CSMD1: variants seen among roughly 807,000 people sequenced by gnomAD.
CSMD1 encodes CUB and sushi domain-containing protein 1.
CSMD1 carries 213 observed loss-of-function variants against 417.5 expected under a neutral mutation model. The observed-to-expected ratio is 0.51, with a 90% confidence interval of 0.46 to 0.57. The LOEUF (loss-of-function observed/expected upper bound fraction) is 0.57. Ranked by LOEUF, CSMD1 falls within the 20% of genes least tolerant of loss-of-function variation. The pLI is 0.00. For missense variants in CSMD1, 6,923 were observed against 4,529.7 expected (o/e 1.53, Z -15.17); for synonymous variants, 2,862 against 1,736.8 (o/e 1.65, Z -16.11).
intron 1 of CSMD1, among the ~76,000 whole-genome samples, chr8:4,900,205 C>T (rs996490894): frequency 6.6e-6 from 1 of 152,228 alleles, no homozygotes; most frequent in Non-Finnish European, 1.5e-5. Context: ...TATGAAGACA[C>T]GGGTTGGGTG....
chr8:4,023,872 C>T (rs1365828528), intron 4 of CSMD1, among the ~76,000 whole-genome samples: 1 of 149,720 alleles, frequency 6.7e-6, no homozygotes, highest in Non-Finnish European at 1.5e-5. Flanking sequence ...CCGCCTTGGC[C>T]TCCCAAAGTG....
At chr8:3,036,965 C>G (rs1810721284) in intron 50 of CSMD1, among the ~76,000 whole-genome samples, 1 of 152,164 alleles carries the variant, frequency 6.6e-6, no homozygotes, top group Non-Finnish European at 1.5e-5. Context: ...TTATCCCTCA[C>G]CCATCTTCCT....
chr8:4,845,295 C>T (rs1335463296), intron 1 of CSMD1, among the ~76,000 whole-genome samples: 2 of 152,168 alleles, frequency 1.3e-5, no homozygotes, highest in Non-Finnish European at 2.9e-5. Flanking sequence ...AGAAAACGAA[C>T]ACTGTTAATG....
At position 4,196,604 on chromosome 8, in the gene CSMD1, T is replaced by C. The variant is rs75245595; in HGVS notation, c.416-164505A>G. On this transcript the variant is annotated intron_variant, in intron 3 of 69. Coordinates refer to ENST00000635120, the MANE Select transcript of CSMD1 (RefSeq NM_033225.6). ...CATTCTCTGGGGTCATAGCCTTCTT[T>C]GTGAATCTTCAAGGCCAGCAATGCT... Among the ~76,000 whole-genome samples, 625 of 152,324 alleles carry C rather than the reference T, an allele frequency of 4.1e-3. 2 individuals are homozygous for C. Among genetic ancestry groups the C allele is most frequent in the African/African-American group, 0.015 (603 of 41,570 alleles).
chr8:4,924,798 T>C (rs1806743998), intron 1 of CSMD1, among the ~76,000 whole-genome samples: 2 of 150,870 alleles, frequency 1.3e-5, no homozygotes, highest in African/African-American at 4.9e-5. Context: ...TTTTGACATA[T>C]GTATCATATT....
chr8:3,284,419 C>G, intron 25 of CSMD1, 73 bp from the exon 26 acceptor site: 14 of 1,180,638 alleles, frequency 1.2e-5, no homozygotes, highest in Non-Finnish European at 1.7e-5. Context: ...GTAAAGTAAG[C>G]AAGCTCATTT....
At chr8:4,237,018 T>C (rs780993308) in intron 3 of CSMD1, among the ~76,000 whole-genome samples, 4 of 152,202 alleles carry the variant, frequency 2.6e-5, no homozygotes, top group Admixed American at 1.3e-4. Flanking sequence ...TCGCGCTCCA[T>C]TGCTTCATGG....
At chr8:3,615,655 T>C (rs956260547) in intron 8 of CSMD1, among the ~76,000 whole-genome samples, 1 of 152,194 alleles carries the variant, frequency 6.6e-6, no homozygotes, top group Non-Finnish European at 1.5e-5. Flanking sequence ...CCGTTGTTAC[T>C]CCAATTTAAC....
chr8:3,642,061 G>C (rs1458942380), intron 7 of CSMD1, among the ~76,000 whole-genome samples: 2 of 151,982 alleles, frequency 1.3e-5, no homozygotes, highest in Non-Finnish European at 2.9e-5. Context: ...CTTCTACTTC[G>C]ATGGATACAC....
chr8:3,461,321 G>T (rs1416841226), intron 12 of CSMD1, among the ~76,000 whole-genome samples: 4 of 152,218 alleles, frequency 2.6e-5, no homozygotes, highest in Non-Finnish European at 5.9e-5. Context: ...GCTTCTGAAG[G>T]CATGGCTGAG....
At chr8:3,323,601 A>G (rs1806294653) in intron 23 of CSMD1, among the ~76,000 whole-genome samples, 1 of 152,210 alleles carries the variant, frequency 6.6e-6, no homozygotes, top group Admixed American at 6.5e-5. Context: ...AAAAAATTTT[A>G]TAGCATTTCA....
intron 2 of CSMD1, among the ~76,000 whole-genome samples, chr8:4,491,231 AC>A (rs773001032): frequency 3.9e-5 from 6 of 152,200 alleles, no homozygotes; most frequent in Non-Finnish European, 8.8e-5. Context: ...CAACTTCAAT[AC>A]TAAAAAGAAG....
At chr8:4,606,288 G>A (rs929508613) in intron 2 of CSMD1, among the ~76,000 whole-genome samples, 2 of 152,026 alleles carry the variant, frequency 1.3e-5, no homozygotes, top group Non-Finnish European at 2.9e-5. Context: ...AAGGGACTGT[G>A]ACTTAGAGTC....
At chr8:3,384,923 T>C (rs1224230770) in intron 18 of CSMD1, among the ~76,000 whole-genome samples, 2 of 120,044 alleles carry the variant, frequency 1.7e-5, no homozygotes, top group Non-Finnish European at 3.2e-5. Flanking sequence ...ATATTACATA[T>C]GCTAATATAA....
intron 1 of CSMD1, among the ~76,000 whole-genome samples, chr8:4,663,699 C>A (rs1267690537): frequency 6.6e-6 from 1 of 152,232 alleles, no homozygotes; most frequent in East Asian, 1.9e-4. Context: ...GCCTACAGAA[C>A]CGCAGGTCAA....
At chr8:4,332,962 G>T (rs75251588) in intron 3 of CSMD1, among the ~76,000 whole-genome samples, 1 of 124,520 alleles carries the variant, frequency 8.0e-6, no homozygotes. Context: ...AAAAAACTAA[G>T]ATTTCTGCCT....
intron 5 of CSMD1, among the ~76,000 whole-genome samples, chr8:3,767,689 G>A (rs1798354129): frequency 6.6e-6 from 1 of 152,086 alleles, no homozygotes; most frequent in South Asian, 2.1e-4. Context: ...TATATATTAT[G>A]TATATTATAC....
intron 1 of CSMD1, among the ~76,000 whole-genome samples, chr8:4,828,896 C>A (rs1015037857): frequency 6.6e-6 from 1 of 152,102 alleles, no homozygotes; most frequent in East Asian, 1.9e-4. Flanking sequence ...ACATCCTCGT[C>A]CCAGTACTTA....
At chr8:3,821,379 G>C (rs1342820119) in intron 5 of CSMD1, among the ~76,000 whole-genome samples, 1 of 152,168 alleles carries the variant, frequency 6.6e-6, no homozygotes, top group Non-Finnish European at 1.5e-5. Flanking sequence ...GCGCAGGTTT[G>C]CATATGGCAC....
Sources: gnomAD v4.1 joint callset for allele counts (sites outside exome capture counted in the v4.1 genomes callset) on GRCh38, gnomAD v4.1.1 for gene constraint, MANE v1.5 for transcripts, NCBI Gene and HGNC (gene_info 2026-07-23, HGNC 2026-07-21) for gene names.